The following IFT172 variants were observed in gnomAD, a reference collection of about 807,000 sequenced individuals.
IFT172 encodes the protein intraflagellar transport protein 172 homolog.
Under a neutral mutation model 248.9 loss-of-function variants are expected in IFT172, and 164 were observed. The observed-to-expected ratio is 0.66, with a 90% CI of 0.58 to 0.75. IFT172 has a LOEUF of 0.75. Ranked by LOEUF, IFT172 falls within the 30% of genes least tolerant of loss-of-function variation. The probability of loss-of-function intolerance (pLI) is 0.00; values close to 1 mark genes in which losing one functional copy is unlikely to be tolerated. For synonymous variants in IFT172, 729 were observed against 791.6 expected (o/e 0.92, Z 1.33); for missense variants, 1,950 against 2,192.4 (o/e 0.89, Z 2.21).
intron 7 of IFT172, among the ~76,000 whole-genome samples, 160 bp from the exon 8 acceptor site, chr2:27,481,420 A>T (rs1472356365): frequency 6.9e-6 from 1 of 145,960 alleles, no homozygotes; most frequent in Non-Finnish European, 1.5e-5. Flanking sequence ...ACTCTTCACA[A>T]ATTGTCACAC....
In IFT172 at chr2:27,483,785, T is replaced by A. The variant is rs1007832856; in HGVS notation, c.402+87A>T. 2.1e-6 allele frequency: 3 copies of A among 1,452,388 alleles called. No homozygotes were observed. In the African/African-American group the frequency reaches 4.2e-5, roughly 20 times the overall value. The allele number at this position is 1,452,388 out of a possible 1,614,324, so 90.0% of individuals were successfully genotyped here. A position where few individuals can be genotyped will look rare whatever the true frequency, so the allele number is the denominator to read the frequency against. On this transcript the variant is annotated intron_variant, in intron 5 of 47. Coordinates refer to ENST00000260570, the MANE Select transcript of IFT172 (RefSeq NM_015662.3). Reference sequence around the variant, plus strand: ...GCATTCTCCCCAGTACGCAACTTGATCCTAAGAAAGAGGATGAACCATATT... The same window carrying A: ...GCATTCTCCCCAGTACGCAACTTGAACCTAAGAAAGAGGATGAACCATATT...
intron 7 of IFT172, among the ~76,000 whole-genome samples, chr2:27,482,247 T>C (rs536416586): frequency 2.6e-5 from 4 of 152,088 alleles, no homozygotes; most frequent in African/African-American, 9.6e-5. Context: ...CCTCCCAAAG[T>C]GCTGGGATTA....
chr2:27,447,144 C>T (rs1039531877), intron 42 of IFT172, among the ~76,000 whole-genome samples: 2 of 152,208 alleles, frequency 1.3e-5, no homozygotes, highest in African/African-American at 4.8e-5. Context: ...CACCCACCCA[C>T]CTAGATTGTT....
At chr2:27,480,892 A>G (rs1360287440) in intron 8 of IFT172, among the ~76,000 whole-genome samples, 154 bp downstream of exon 8, 3 of 152,212 alleles carry the variant, frequency 2.0e-5, no homozygotes, top group African/African-American at 7.2e-5. Flanking sequence ...CAGCACACCA[A>G]TGGATAGCGG....
chr2:27,472,317 C>T lies in IFT172; in HGVS notation c.1457G>A (p.Ser486Asn). 6.2e-7 allele frequency: 1 copy of T among 1,614,156 alleles called. No homozygotes were observed. The highest frequency in any genetic ancestry group is 1.1e-5 in the South Asian group (1 of 91,082). ...ATTAAGTTCCAGCCAATCCACACGG[C>T]TCTCATGGCTGACGGTGCCAATGTT... The part of the protein sequence containing the change: ...GYNIGTVSHE[S>N]RVDWLELNET... Residue 486 changes from serine (S) to asparagine (N), a missense_variant, in exon 15 of 48, where the codon AGC (serine) becomes AAC (asparagine). By Grantham distance (46) the Ser-to-Asn change is conservative. Transcript: ENST00000260570.
intron 47 of IFT172, 69 bp from the exon 48 acceptor site, chr2:27,444,590 G>GACCCTGAA: frequency 8.2e-7 from 1 of 1,223,340 alleles, no homozygotes. Flanking sequence ...CTCCATCGCA[G>GACCCTGAA]GCTTCAGGGT....
intron 40 of IFT172, 130 bp downstream of exon 40, chr2:27,448,785 T>TG (rs565760082): frequency 1.0e-5 from 7 of 687,820 alleles, no homozygotes; most frequent in Middle Eastern, 2.7e-4. Flanking sequence ...TGGAGATGCG[T>TG]GGGGGGCTCT....
intron 14 of IFT172, among the ~76,000 whole-genome samples, chr2:27,476,223 GAT>G (rs1319650506): frequency 6.6e-6 from 1 of 152,080 alleles, no homozygotes; most frequent in African/African-American, 2.4e-5. Flanking sequence ...CCAACCCTAA[GAT>G]ATATGTCTAG....
Position 27,444,490 on chromosome 2 carries a change from A to T in IFT172, c.5192T>A (p.Leu1731Gln). The T allele has an allele frequency of 6.2e-7, 1 of 1,613,730 alleles. No individual in the cohort carries two copies. The highest frequency in any genetic ancestry group is 8.5e-7 in the Non-Finnish European group (1 of 1,179,812). The change falls in exon 48 of 48, where the codon CTG becomes CAG. Residue 1731 changes from leucine to glutamine, a missense_variant. Leu to Gln is a moderately radical substitution (Grantham distance 113). Coordinates refer to ENST00000260570, the MANE Select transcript of IFT172 (RefSeq NM_015662.3). ...TCCACACCACTGACTGATGAATTTC[A>T]GCACGTCCTGGCACACTGGGCTGTG... Reference protein sequence around the residue: ...TSHSPVCQDVLKFISQWCGGL... With the variant: ...TSHSPVCQDVQKFISQWCGGL...
chr2:27,479,526 A>G lies in IFT172; in HGVS notation c.988T>C (p.Tyr330His), dbSNP rs1159686950. Residue 330 changes from tyrosine (Y) to histidine (H), a missense_variant, in exon 10 of 48, where the codon TAT (tyrosine) becomes CAT (histidine). By Grantham distance (83) the Tyr-to-His change is moderately conservative. This residue lies in a region of IFT172 where 1,166 missense variants were observed against 1,254.1 expected (regional missense o/e 0.93). Transcript: ENST00000260570. ...CTGCTTACCTGGCTAGGTCCCACAT[A>G]CGTCAACTCAAACTTGTTCTTGTAA... ...SIYKNKFELT[Y>H]VGPSQVIVKN... 1 of 1,609,306 alleles carries G rather than the reference A, an allele frequency of 6.2e-7. No individual in the cohort carries two copies. Among genetic ancestry groups the G allele is most frequent in the South Asian group, 1.1e-5 (1 of 90,996 alleles).
intron 10 of IFT172, among the ~76,000 whole-genome samples, chr2:27,478,970 G>A (rs1668155460): frequency 6.6e-6 from 1 of 152,188 alleles, no homozygotes; most frequent in Non-Finnish European, 1.5e-5. Context: ...GAAGGCTTAA[G>A]TGGCAATCTC....
chr2:27,467,007 GT>G (rs1558390923), intron 16 of IFT172, among the ~76,000 whole-genome samples: 1 of 151,984 alleles, frequency 6.6e-6, no homozygotes, highest in East Asian at 1.9e-4. Context: ...GTGAGACCCT[GT>G]TTTTTTGTTT....
Position 27,461,474 on chromosome 2 carries a change from C to T in IFT172, c.2237G>A (p.Trp746Ter), listed in dbSNP as rs1381740412. Residue 746 changes from tryptophan to a stop codon, truncating the protein, a stop_gained, in exon 22 of 48, where the codon TGG becomes TAG. Transcript: ENST00000260570. LOFTEE classifies it high-confidence loss of function. Reference protein sequence around the residue: ...LEKLRRSYYQWLMDTQQEERA... With the variant: ...LEKLRRSYYQ The stretch of plus-strand genomic sequence containing the variant: ...CTCCTCTTGCTGTGTGTCCATCAGC[C>T]ACTGGTAGTAACTACGACGTAGCTT... 6.2e-7 allele frequency: 1 copy of T among 1,614,074 alleles called. No individual in the cohort carries two copies. The highest frequency in any genetic ancestry group is 1.7e-5 in the Admixed American group (1 of 60,018).
At chr2:27,447,678 G>A (rs1303493781) in intron 41 of IFT172, 44 bp from the exon 42 acceptor site, 6 of 1,613,608 alleles carry the variant, frequency 3.7e-6, no homozygotes, top group Non-Finnish European at 4.2e-6. Flanking sequence ...GGTCAGAGGA[G>A]TGCCAGGGCC....
chr2:27,469,013 A>C (rs1302761853), intron 16 of IFT172, among the ~76,000 whole-genome samples: 1 of 152,208 alleles, frequency 6.6e-6, no homozygotes, highest in East Asian at 1.9e-4. Flanking sequence ...CTGGGTACTG[A>C]GTCCAAGCAT....
chr2:27,461,945 C>T (rs1028977608), intron 20 of IFT172, 109 bp from the exon 21 acceptor site: 1 of 1,061,926 alleles, frequency 9.4e-7, no homozygotes, highest in African/African-American at 1.6e-5. Context: ...GACCAAAAGC[C>T]TTTTAACTAC....
intron 42 of IFT172, 39 bp from the exon 43 acceptor site, chr2:27,446,394 A>C: frequency 6.4e-7 from 1 of 1,571,950 alleles, no homozygotes; most frequent in Non-Finnish European, 8.8e-7. Context: ...ATGGCACTAA[A>C]GTGACTGAGC....
intron 14 of IFT172, among the ~76,000 whole-genome samples, chr2:27,474,615 A>C (rs1667831794): frequency 6.6e-6 from 1 of 152,092 alleles, no homozygotes; most frequent in South Asian, 2.1e-4. Context: ...GCAGTGGCAC[A>C]ATCTCAGCTC....
chr2:27,484,223 T>G lies in IFT172; in HGVS notation c.336+4A>C. ...AAGGTTCCAGGGACTGGTCTGAACT[T>G]TACCGTCTGGATGAACTTGTTGCAG... is the stretch of plus-strand genomic sequence containing the variant. On this transcript the variant is annotated splice_donor_region_variant and intron_variant, in intron 4 of 47. Coordinates refer to ENST00000260570, the MANE Select transcript of IFT172 (RefSeq NM_015662.3). 6.2e-7 allele frequency: 1 copy of G among 1,614,064 alleles called. No individual in the cohort carries two copies. Among genetic ancestry groups the G allele is most frequent in the Non-Finnish European group, 8.5e-7 (1 of 1,179,956 alleles).
Sources: allele counts gnomAD v4.1 joint callset (sites outside exome capture counted in the v4.1 genomes callset), GRCh38; gene constraint gnomAD v4.1.1; regional missense constraint gnomAD v4.1.1; transcripts MANE v1.5; gene names NCBI Gene and HGNC (gene_info 2026-07-23, HGNC 2026-07-21).